Variants in GRK1 observed in about 807,000 individuals in gnomAD.
GRK1 encodes G protein-coupled receptor kinase 1.
In GRK1, 28 loss-of-function variants were observed where a neutral mutation model predicts 41.7. The ratio of observed to expected loss-of-function variants is 0.67; its 90% CI spans 0.50 to 0.92. The LOEUF (loss-of-function observed/expected upper bound fraction) is 0.92. Among genes scored for constraint, GRK1 ranks in the 40% least tolerant of loss-of-function variants. The pLI is 0.00. For synonymous variants in GRK1, 327 were observed against 286.7 expected, an observed-to-expected ratio of 1.14 and a Z score of -1.42; for missense variants, 703 against 671.2, an observed-to-expected ratio of 1.05 and a Z score of -0.52.
upstream of GRK1, among the ~76,000 whole-genome samples, chr13:113,663,190 A>G (rs1328223167): frequency 6.6e-6 from 1 of 152,228 alleles, no homozygotes; most frequent in Non-Finnish European, 1.5e-5. Flanking sequence ...GGACCCACAC[A>G]ATATGTGCAA....
At chr13:113,661,362 T>A in the GRK1 span, among the ~76,000 whole-genome samples, 2 of 151,980 alleles carry the variant, frequency 1.3e-5, no homozygotes, top group Non-Finnish European at 2.9e-5. Context: ...AGAGGAAAAT[T>A]TATAGCACTA....
rs1437548380 is a variant in GRK1, at chr13:113,735,443, G to C, written c.*80G>C. 2 of 1,397,270 alleles carry C rather than the reference G, an allele frequency of 1.4e-6. No individual in the cohort carries two copies. The highest frequency in any genetic ancestry group is 9.4e-7 in the Non-Finnish European group (1 of 1,067,742). The allele number at this position is 1,397,270 out of a possible 1,614,324, so 86.6% of individuals were successfully genotyped here. A position where few individuals can be genotyped will look rare whatever the true frequency, so the allele number is the denominator to read the frequency against. ...CGCCTGCCTCCGTGGTGCCAGCCTG[G>C]GGTCTGCTAGCAAGGGGACACGTGG... On this transcript the variant is annotated 3_prime_UTR_variant, in exon 7 of 7. Transcript: ENST00000335678.
In GRK1 at chr13:113,733,871, G is replaced by A. The variant is rs1407967865; in HGVS notation, c.1396+786G>A. On this transcript the variant is annotated intron_variant, in intron 6 of 6. Coordinates refer to ENST00000335678, the MANE Select transcript of GRK1 (RefSeq NM_002929.3). Reference sequence around the variant, plus strand: ...TGTGTATGTGTGCATACGTGTGTGCGTGTGTGCATACGTGTGTGCGTGTGT... The same window carrying A: ...TGTGTATGTGTGCATACGTGTGTGCATGTGTGCATACGTGTGTGCGTGTGT... Among the ~76,000 whole-genome samples, 55 of 124,708 alleles carry A rather than the reference G, an allele frequency of 4.4e-4. 1 individual carries two copies. Among genetic ancestry groups the A allele is most frequent in the African/African-American group, 1.6e-3 (42 of 26,376 alleles). 81.8% of individuals were successfully genotyped at this position (124,708 alleles called of 152,430 possible).
intron 6 of GRK1, among the ~76,000 whole-genome samples, chr13:113,734,019 T>C (rs1377109639): frequency 7.7e-5 from 11 of 143,322 alleles, no homozygotes; most frequent in East Asian, 2.0e-4. Flanking sequence ...CGTGCATGTG[T>C]GTGCGTGCGT....
rs1491099079 is a variant in GRK1, at chr13:113,733,946, G to GTGTGTGTGCATACGTGTGTA, written c.1396+880_1396+881insATGTGTGTGCATACGTGTGT. ...TGTGCATGTGTGCATACGTGTGTGC[G>GTGTGTGTGCATACGTGTGTA]TGTGTGTGCATACGTGTGTGTGCGT... is the stretch of plus-strand genomic sequence containing the variant. On this transcript the variant is annotated intron_variant, in intron 6 of 6. Coordinates refer to ENST00000335678, the MANE Select transcript of GRK1 (RefSeq NM_002929.3). Among the ~76,000 whole-genome samples, 854 of 137,366 alleles carry GTGTGTGTGCATACGTGTGTA rather than the reference G, an allele frequency of 6.2e-3. 21 individuals carry two copies. Among genetic ancestry groups the GTGTGTGTGCATACGTGTGTA allele is most frequent in the African/African-American group, 0.024 (793 of 33,700 alleles). The allele number at this position is 137,366 out of a possible 152,430, so 90.1% of individuals were successfully genotyped here.
intron 5 of GRK1, 68 bp from the exon 6 acceptor site, chr13:113,732,816 C>A: frequency 6.7e-7 from 1 of 1,493,628 alleles, no homozygotes; most frequent in East Asian, 2.5e-5. Context: ...GTGGGAGGAG[C>A]TGTGGTCTGG....
chr13:113,724,216 C>T (rs2049875880), intron 4 of GRK1, among the ~76,000 whole-genome samples: 1 of 152,218 alleles, frequency 6.6e-6, no homozygotes, highest in Non-Finnish European at 1.5e-5. Flanking sequence ...ACCTCCGAGC[C>T]TCCTGCTAGC....
the GRK1 span, among the ~76,000 whole-genome samples, chr13:113,657,567 G>T: frequency 6.6e-6 from 1 of 152,218 alleles, no homozygotes; most frequent in Non-Finnish European, 1.5e-5. Flanking sequence ...GGCAGGCCTG[G>T]TTTACTCCCC....
At chr13:113,668,158 C>T (rs2049832790) in intron 1 of GRK1, 73 bp downstream of exon 1, 2 of 1,455,928 alleles carry the variant, frequency 1.4e-6, no homozygotes, top group Admixed American at 2.1e-5. Flanking sequence ...TGCAGAGGGC[C>T]CCCAGGTCAC....
the GRK1 span, among the ~76,000 whole-genome samples, chr13:113,650,996 A>G: frequency 1.3e-5 from 2 of 151,998 alleles, no homozygotes; most frequent in African/African-American, 2.4e-5. This position sits in a 1 kb window ranked among gnomAD's most constrained non-coding sequence, Gnocchi z 5.0. Context: ...TTAGAATCTC[A>G]GGAGCCGCAG....
chr13:113,654,673 G>A, the GRK1 span: 1 of 1,339,524 alleles, frequency 7.5e-7, no homozygotes, highest in Non-Finnish European at 1.0e-6. Flanking sequence ...GCTGGGGTGT[G>A]TGGCTCACCC....
chr13:113,732,550 T>C (rs149196411), intron 5 of GRK1, among the ~76,000 whole-genome samples: 81,917 of 152,070 alleles, frequency 0.54, 23,379 homozygotes, highest in African/African-American at 0.72. Flanking sequence ...TCCACCGTGG[T>C]GGAGTGAAAA....
chr13:113,659,121 C>T, the GRK1 span, among the ~76,000 whole-genome samples: 436 of 152,336 alleles, frequency 2.9e-3, no homozygotes, highest in Non-Finnish European at 5.0e-3. Flanking sequence ...CTGAGCCTCT[C>T]GCCCATGGGT....
At chr13:113,733,606 C>T (rs532010731) in intron 6 of GRK1, among the ~76,000 whole-genome samples, 122 of 139,254 alleles carry the variant, frequency 8.8e-4, no homozygotes, top group African/African-American at 3.0e-3. Context: ...CATGTGTGCG[C>T]ATGTGTATGT....
At chr13:113,648,734 A>G in the GRK1 span, 1 of 152,198 alleles carries the variant, frequency 6.6e-6, no homozygotes, top group Non-Finnish European at 1.5e-5. Context: ...GAGCGTCCTT[A>G]GGTGACAACC....
intron 6 of GRK1, 31 bp from the exon 7 acceptor site, chr13:113,735,037 G>A (rs1392407384): frequency 1.4e-5 from 20 of 1,465,198 alleles, no homozygotes; most frequent in African/African-American, 2.8e-5. Context: ...ACCACGAGGA[G>A]CCTGGCGTCT....
chr13:113,730,353 G>A (rs144577092), intron 4 of GRK1, among the ~76,000 whole-genome samples: 20,334 of 116,208 alleles, frequency 0.17, 1,657 homozygotes, highest in Middle Eastern at 0.31. Flanking sequence ...GCCCAGACCC[G>A]CCCCTCCATC....
Position 113,735,347 on chromosome 13 carries a change from T to A in GRK1, c.1676T>A (p.Met559Lys). Reference sequence around the variant, plus strand: ...TCCAGCTCCTCGTCCAAGTCAGGGATGTGTCTGGTTTCCTAGGTGACGCCC... The same window carrying A: ...TCCAGCTCCTCGTCCAAGTCAGGGAAGTGTCTGGTTTCCTAGGTGACGCCC... ...GGSSSSSKSG[M>K]CLVS The change falls in exon 7 of 7, where the codon ATG becomes AAG. Residue 559 changes from methionine (M) to lysine (K), a missense_variant. Transcript: ENST00000335678. 6 of 1,510,330 alleles carry A rather than the reference T, an allele frequency of 4.0e-6. No homozygotes were observed. Among genetic ancestry groups the A allele is most frequent in the Non-Finnish European group, 5.3e-6 (6 of 1,130,758 alleles). 93.6% of individuals were successfully genotyped at this position (1,510,330 alleles called of 1,614,324 possible). A position where few individuals can be genotyped will look rare whatever the true frequency, so the allele number is the denominator to read the frequency against.
intron 4 of GRK1, among the ~76,000 whole-genome samples, chr13:113,725,227 C>A (rs972465406): frequency 6.6e-6 from 1 of 152,228 alleles, no homozygotes; most frequent in Non-Finnish European, 1.5e-5. Context: ...AGAAGCCTGT[C>A]GGGGGACTCC....
Sources: gnomAD v4.1 joint callset for allele counts (sites outside exome capture counted in the v4.1 genomes callset) on GRCh38, gnomAD v4.1.1 for gene constraint, Gnocchi (gnomAD v3.1) non-coding constraint, MANE v1.5 for transcripts, NCBI Gene and HGNC (gene_info 2026-07-23, HGNC 2026-07-21) for gene names.